FAXDC2: variants seen among roughly 807,000 people sequenced by gnomAD.
FAXDC2 encodes fatty acid hydroxylase domain containing 2.
A neutral mutation model predicts 40.9 loss-of-function variants in FAXDC2; 41 were observed. The ratio of observed to expected loss-of-function variants is 1.00; its 90% CI spans 0.78 to 1.30. The LOEUF (loss-of-function observed/expected upper bound fraction) is 1.30, where lower values mean the gene tolerates loss of function less well. Among genes scored for constraint, FAXDC2 ranks in the 50% most tolerant of loss-of-function variants. The pLI, the probability that FAXDC2 is intolerant of heterozygous loss-of-function variation, is 0.00. For missense variants in FAXDC2, 390 were observed against 408.8 expected (o/e 0.95, Z 0.40); for synonymous variants, 157 against 149.3 (o/e 1.05, Z -0.38).
At chr5:154,845,640 GAC>G (rs1760580972) in intron 1 of FAXDC2, among the ~76,000 whole-genome samples, 1 of 146,202 alleles carries the variant, frequency 6.8e-6, no homozygotes, top group South Asian at 2.1e-4. Context: ...CACAGAGGAA[GAC>G]TCTCAAAAAA....
intron 1 of FAXDC2, among the ~76,000 whole-genome samples, chr5:154,841,789 G>T (rs990148278): frequency 2.0e-5 from 3 of 151,106 alleles, no homozygotes; most frequent in African/African-American, 7.3e-5. Context: ...AGGCTGGAGT[G>T]CAGTGGCACG....
At position 154,818,607 on chromosome 5, in the gene FAXDC2, A is replaced by G. The variant is rs953141752; in HGVS notation, c.*1709T>C. ...CTCAAGGATTTTGTTTGATACAGAA[A>G]AGGATAGGGCTGGGCCCTTCTGCCA... On this transcript the variant is annotated 3_prime_UTR_variant, in exon 9 of 9. Coordinates refer to ENST00000326080, the MANE Select transcript of FAXDC2 (RefSeq NM_032385.5). The G allele has an allele frequency of 1.4e-4, 22 of 152,292 alleles. No homozygotes were observed. Among genetic ancestry groups the G allele is most frequent in the African/African-American group, 5.3e-4 (22 of 41,574 alleles). The allele number at this position is 152,292 out of a possible 1,614,324, so 9.4% of individuals were successfully genotyped here.
chr5:154,823,636 A>G, intron 5 of FAXDC2, 44 bp from the exon 6 acceptor site: 1 of 1,536,688 alleles, frequency 6.5e-7, no homozygotes, highest in Non-Finnish European at 9.0e-7. Flanking sequence ...GAGTGTGAGA[A>G]GTAGGCTCCA....
chr5:154,831,075 G>T, intron 4 of FAXDC2, 153 bp from the exon 5 acceptor site: 1 of 770,176 alleles, frequency 1.3e-6, no homozygotes, highest in Non-Finnish European at 2.0e-6. Flanking sequence ...GTTACCTGTA[G>T]TCTTGGGTAG....
intron 5 of FAXDC2, chr5:154,824,301 C>G (rs1481506521): frequency 3.4e-6 from 2 of 594,270 alleles, no homozygotes; most frequent in African/African-American, 1.9e-5. Flanking sequence ...TGTCAGAGCA[C>G]TGGGGCTCCA....
chr5:154,824,483 A>G (rs1442287523), intron 5 of FAXDC2: 2 of 702,428 alleles, frequency 2.8e-6, no homozygotes, highest in Non-Finnish European at 5.2e-6. Flanking sequence ...CTTTCCAGGC[A>G]CTGCATGCAT....
chr5:154,825,034 TGAGA>T (rs921836744), intron 5 of FAXDC2, among the ~76,000 whole-genome samples: 2 of 125,792 alleles, frequency 1.6e-5, no homozygotes, highest in African/African-American at 3.1e-5. Context: ...CCAGCCTGCG[TGAGA>T]GAGTGAGACC....
chr5:154,848,101 T>A (rs377649908), intron 1 of FAXDC2, among the ~76,000 whole-genome samples: 33 of 152,146 alleles, frequency 2.2e-4, no homozygotes, highest in African/African-American at 4.8e-4. Flanking sequence ...GGCCTCCCAA[T>A]GTGCTGGGAT....
rs749982580 is a variant in FAXDC2, at chr5:154,820,391, G to A, written c.927C>T (p.Tyr309=). ...AGCCCAGCAGGAGGACATGTCTCTC[G>A]TAGGCCTTGGTCTGCTTGAACATGG... The part of the protein sequence containing the change: ...TDTMFKQTKA[Y]ERHVLLLGFT... Residue 309 remains tyrosine (Y), a synonymous_variant, in exon 9 of 9, where the codon TAC becomes TAT. Transcript: ENST00000326080. 26 of 1,612,740 alleles carry A rather than the reference G, an allele frequency of 1.6e-5. No individual in the cohort carries two copies. The South Asian group carries it at 2.5e-4, about 16-fold the overall frequency.
intron 5 of FAXDC2, among the ~76,000 whole-genome samples, chr5:154,829,175 G>A (rs1362272960): frequency 6.6e-6 from 1 of 152,130 alleles, no homozygotes; most frequent in Non-Finnish European, 1.5e-5. Context: ...TTACAGGCAT[G>A]AACCACCACG....
At position 154,830,118 on chromosome 5, in the gene FAXDC2, G is replaced by GTCTTGTC. The variant is rs1460556339; in HGVS notation, c.366+682_366+683insGACAAGA. On this transcript the variant is annotated intron_variant, in intron 5 of 8. Coordinates refer to ENST00000326080, the MANE Select transcript of FAXDC2 (RefSeq NM_032385.5). ...TCTTGTCTGGGAAAGAAGCCAGGATGTGGTTTGGGTGGAGCTGGGTAAAGA... is the reference window on the plus strand; with the variant it reads ...TCTTGTCTGGGAAAGAAGCCAGGATGTCTTGTCTGGTTTGGGTGGAGCTGGGTAAAGA... 3.1e-4 allele frequency among the ~76,000 whole-genome samples: 47 copies of GTCTTGTC among 152,346 alleles called. No individual in the cohort carries two copies. In the East Asian group the frequency reaches 8.3e-3, roughly 27 times the overall value.
chr5:154,822,696 C>G, intron 6 of FAXDC2, 119 bp from the exon 7 acceptor site: 3 of 716,216 alleles, frequency 4.2e-6, no homozygotes, highest in Non-Finnish European at 7.4e-6. Context: ...GTTAACAACA[C>G]CAAGACCTGC....
At chr5:154,848,316 A>G (rs1025393189) in intron 1 of FAXDC2, among the ~76,000 whole-genome samples, 3 of 152,248 alleles carry the variant, frequency 2.0e-5, no homozygotes, top group East Asian at 3.8e-4. Flanking sequence ...AGCCCTAGTT[A>G]GTAGAAATGA....
At chr5:154,834,449 T>A (rs1760267776) in intron 4 of FAXDC2, among the ~76,000 whole-genome samples, 176 bp downstream of exon 4, 1 of 152,218 alleles carries the variant, frequency 6.6e-6, no homozygotes, top group Admixed American at 6.5e-5. Flanking sequence ...AGACATCCTG[T>A]TTTCAGACTG....
chr5:154,849,948 C>A (rs976149774), intron 1 of FAXDC2, among the ~76,000 whole-genome samples: 3 of 152,212 alleles, frequency 2.0e-5, no homozygotes, highest in Admixed American at 1.3e-4. Flanking sequence ...TATGTTGCAT[C>A]AAAACAGTTT....
intron 5 of FAXDC2, 141 bp downstream of exon 5, chr5:154,830,660 C>T: frequency 1.1e-6 from 1 of 919,024 alleles, no homozygotes; most frequent in Non-Finnish European, 1.7e-6. Context: ...CTCTCTTTAA[C>T]CTTCTAAACT....
At chr5:154,846,610 C>G (rs1760605006) in intron 1 of FAXDC2, among the ~76,000 whole-genome samples, 1 of 152,046 alleles carries the variant, frequency 6.6e-6, no homozygotes, top group South Asian at 2.1e-4. Context: ...GTCTCAAACT[C>G]CTGGGCTCAA....
chr5:154,822,986 C>T (rs1759926452), intron 6 of FAXDC2, among the ~76,000 whole-genome samples: 1 of 152,028 alleles, frequency 6.6e-6, no homozygotes, highest in Admixed American at 6.6e-5. Flanking sequence ...TTTTACTGGC[C>T]TACACTCAAT....
intron 7 of FAXDC2, chr5:154,821,830 T>A (rs1391397269): frequency 5.8e-6 from 1 of 171,512 alleles, no homozygotes; most frequent in East Asian, 1.9e-4. Context: ...GATGGCTCAC[T>A]CCTATAATCC....
Sources: allele counts gnomAD v4.1 joint callset (sites outside exome capture counted in the v4.1 genomes callset), GRCh38; gene constraint gnomAD v4.1.1; transcripts MANE v1.5; gene names NCBI Gene and HGNC (gene_info 2026-07-23, HGNC 2026-07-21).